DAB1: variants seen among roughly 807,000 people sequenced by gnomAD.
The protein encoded by DAB1 is disabled homolog 1.
Under a neutral mutation model 64.6 loss-of-function variants are expected in DAB1, and 15 were observed. The ratio of observed to expected loss-of-function variants is 0.23; its 90% CI spans 0.16 to 0.36. The LOEUF is 0.36. Among genes scored for constraint, DAB1 ranks in the 10% least tolerant of loss-of-function variants. DAB1 has a pLI of 1.00. For missense variants in DAB1, 596 were observed against 706.7 expected (o/e 0.84, Z 1.78); for synonymous variants, 235 against 251.9 (o/e 0.93, Z 0.64).
chr1:58,355,571 A>T (rs543175880), intron 3 of DAB1, among the ~76,000 whole-genome samples: 2 of 152,282 alleles, frequency 1.3e-5, no homozygotes, highest in East Asian at 1.9e-4. Context: ...TAAAACTTCA[A>T]TCTCACCCAA....
At position 58,400,003 on chromosome 1, in the gene DAB1, T is replaced by TAATA. The variant is rs890259367; in HGVS notation, n.258-56604_258-56601dup. Among the ~76,000 whole-genome samples the TAATA allele has an allele frequency of 3.6e-4, 54 of 152,006 alleles. No individual in the cohort carries two copies. The Middle Eastern group carries it at 0.01, about 29-fold the overall frequency. ...TCAAGCTAGCAAAAGCAAAAATAAA[T>TAATA]AATAAATAAATAAATAAATTGAATT... On this transcript the variant is annotated intron_variant and non_coding_transcript_variant, in intron 3 of 20. Coordinates refer to the DAB1 transcript ENST00000485760.
chr1:57,550,819 G>A (rs2101474550), intron 7 of DAB1, among the ~76,000 whole-genome samples: 1 of 152,304 alleles, frequency 6.6e-6, no homozygotes, highest in African/African-American at 2.4e-5. Context: ...TCTTGTCTGA[G>A]TCATTTTTAT....
chr1:58,149,881 GA>G (rs1207908415), intron 5 of DAB1, among the ~76,000 whole-genome samples: 3 of 151,860 alleles, frequency 2.0e-5, no homozygotes, highest in East Asian at 1.9e-4. Flanking sequence ...AAAAGAAATA[GA>G]AAAAAAACTT....
intron 2 of DAB1, among the ~76,000 whole-genome samples, chr1:57,212,645 G>C (rs1437311775): frequency 5.9e-5 from 9 of 152,028 alleles, no homozygotes; most frequent in Non-Finnish European, 1.3e-4. Flanking sequence ...GGGATTACAG[G>C]TGTGAGCCAC....
chr1:57,395,956 G>T (rs1231087790), intron 1 of DAB1, among the ~76,000 whole-genome samples: 1 of 152,150 alleles, frequency 6.6e-6, no homozygotes, highest in Non-Finnish European at 1.5e-5. Flanking sequence ...GCAGAGAAAA[G>T]AAGTAAAAGC....
intron 4 of DAB1, among the ~76,000 whole-genome samples, chr1:58,269,018 T>TTA (rs1249001843): frequency 8.6e-5 from 2 of 23,140 alleles, no homozygotes; most frequent in Admixed American, 5.5e-4. Flanking sequence ...TTTTATTTAT[T>TTA]TTTTTTTTAT....
At chr1:57,700,696 C>A (rs537753795) in intron 6 of DAB1, among the ~76,000 whole-genome samples, 1 of 152,226 alleles carries the variant, frequency 6.6e-6, no homozygotes, top group African/African-American at 2.4e-5. Context: ...TTGGTGATCT[C>A]TGACTTTTCT....
At chr1:57,346,568 C>T (rs1055590349) in intron 1 of DAB1, among the ~76,000 whole-genome samples, 1 of 152,046 alleles carries the variant, frequency 6.6e-6, no homozygotes, top group Non-Finnish European at 1.5e-5. Context: ...AATAAATTTC[C>T]TTTACATCCT....
At chr1:57,336,428 A>G (rs557690451) in intron 1 of DAB1, among the ~76,000 whole-genome samples, 3 of 152,350 alleles carry the variant, frequency 2.0e-5, no homozygotes, top group South Asian at 4.1e-4. Context: ...ATGCATTAGA[A>G]ATAGGTATAA....
chr1:58,180,873 C>A (rs1437572152), intron 4 of DAB1, among the ~76,000 whole-genome samples: 1 of 152,096 alleles, frequency 6.6e-6, no homozygotes, highest in Non-Finnish European at 1.5e-5. Flanking sequence ...TTATTGAGAA[C>A]TGTTTTATGC....
chr1:57,351,049 G>A (rs1678550169), intron 1 of DAB1, among the ~76,000 whole-genome samples: 1 of 152,190 alleles, frequency 6.6e-6, no homozygotes, highest in Non-Finnish European at 1.5e-5. Context: ...GCTGGGCACT[G>A]TGCCACTTGT....
At chr1:57,056,778 C>T (rs1006592002) in intron 9 of DAB1, among the ~76,000 whole-genome samples, 5 of 151,990 alleles carry the variant, frequency 3.3e-5, no homozygotes, top group East Asian at 1.9e-4. Context: ...GTGGGAGAAT[C>T]GCTTGAACCC....
intron 6 of DAB1, among the ~76,000 whole-genome samples, chr1:57,740,478 T>C (rs2101788911): frequency 6.6e-6 from 1 of 152,260 alleles, no homozygotes; most frequent in Non-Finnish European, 1.5e-5. Context: ...AAATAATACA[T>C]GTAAAGTGCC....
At chr1:58,532,021 T>C (rs1350564159) in intron 1 of DAB1, among the ~76,000 whole-genome samples, 1 of 152,164 alleles carries the variant, frequency 6.6e-6, no homozygotes, top group Non-Finnish European at 1.5e-5. Flanking sequence ...TATGAAATTA[T>C]TTTAACATGA....
chr1:57,195,956 A>T (rs140187315), intron 2 of DAB1, among the ~76,000 whole-genome samples: 1 of 152,300 alleles, frequency 6.6e-6, no homozygotes, highest in East Asian at 1.9e-4. Context: ...TAGTACATGT[A>T]TGAATTTATA....
chr1:57,600,137 C>T (rs1347471244), intron 7 of DAB1, among the ~76,000 whole-genome samples: 1 of 152,144 alleles, frequency 6.6e-6, no homozygotes, highest in Non-Finnish European at 1.5e-5. Context: ...GGGAGCAACT[C>T]ACTGTGTTGT....
chr1:57,492,872 C>G (rs1416954109), intron 7 of DAB1, among the ~76,000 whole-genome samples: 1 of 152,080 alleles, frequency 6.6e-6, no homozygotes, highest in Non-Finnish European at 1.5e-5. Context: ...AATAATCATC[C>G]CCCTTTGCCC....
At chr1:58,348,277 T>C (rs535520069) in intron 3 of DAB1, among the ~76,000 whole-genome samples, 1 of 152,162 alleles carries the variant, frequency 6.6e-6, no homozygotes, top group African/African-American at 2.4e-5. Flanking sequence ...TACTCAAGAT[T>C]CAAAAAAATG....
At chr1:57,198,155 T>A (rs941758996) in intron 2 of DAB1, among the ~76,000 whole-genome samples, 1 of 151,994 alleles carries the variant, frequency 6.6e-6, no homozygotes, top group African/African-American at 2.4e-5. Context: ...ATGAGAAGGG[T>A]TATAAGCAAC....
Sources: allele counts gnomAD v4.1 joint callset (sites outside exome capture counted in the v4.1 genomes callset), GRCh38; gene constraint gnomAD v4.1.1; transcripts MANE v1.5; gene names NCBI Gene and HGNC (gene_info 2026-07-23, HGNC 2026-07-21).